NLGN1: variants seen among roughly 807,000 people sequenced by gnomAD.
The protein encoded by NLGN1 is neuroligin-1.
Under a neutral mutation model 65.5 loss-of-function variants are expected in NLGN1, and 12 were observed. The observed-to-expected ratio is 0.18, with a 90% confidence interval of 0.12 to 0.30. The LOEUF (loss-of-function observed/expected upper bound fraction) is 0.30, where lower values mean the gene tolerates loss of function less well. Ranked by LOEUF, NLGN1 falls within the 10% of genes least tolerant of loss-of-function variation. NLGN1 has a pLI of 1.00. For synonymous variants in NLGN1, 350 were observed against 359.5 expected, an observed-to-expected ratio of 0.97 and a Z score of 0.30; for missense variants, 750 against 1,007.1, an observed-to-expected ratio of 0.74 and a Z score of 3.46.
At chr3:173,828,932 G>GT (rs1284843241) in intron 4 of NLGN1, among the ~76,000 whole-genome samples, 1 of 147,480 alleles carries the variant, frequency 6.8e-6, no homozygotes, top group Non-Finnish European at 1.5e-5. Flanking sequence ...TTGCTTTTTG[G>GT]GGGGGATTAA....
chr3:173,478,772 G>C (rs147590180), intron 2 of NLGN1, among the ~76,000 whole-genome samples: 206 of 151,966 alleles, frequency 1.4e-3, no homozygotes, highest in African/African-American at 4.8e-3. Flanking sequence ...AATAATCCCA[G>C]CTACTCCAGG....
intron 4 of NLGN1, among the ~76,000 whole-genome samples, chr3:174,181,976 C>CAAAAAAAAAAAAAAAAAAA (rs551914698): frequency 2.3e-5 from 1 of 44,396 alleles, no homozygotes; most frequent in Non-Finnish European, 4.6e-5. Context: ...GACTTGGTGT[C>CAAAAAAAAAAAAAAAAAAA]AAAAAAAAAA....
At chr3:173,690,433 A>C (rs1049376441) in intron 3 of NLGN1, among the ~76,000 whole-genome samples, 7 of 152,122 alleles carry the variant, frequency 4.6e-5, no homozygotes, top group Non-Finnish European at 1.0e-4. Context: ...ATAAGCTGTC[A>C]GCTCTTGCTA....
chr3:174,240,198 G>GA (rs1742524925), intron 4 of NLGN1, among the ~76,000 whole-genome samples: 1 of 152,018 alleles, frequency 6.6e-6, no homozygotes, highest in Non-Finnish European at 1.5e-5. Flanking sequence ...CAATACAATA[G>GA]AAAACTGATT....
At chr3:173,462,399 C>T (rs1723555701) in intron 2 of NLGN1, among the ~76,000 whole-genome samples, 1 of 149,502 alleles carries the variant, frequency 6.7e-6, no homozygotes, top group Non-Finnish European at 1.5e-5. Context: ...AAATTTTCTC[C>T]ATTAGATTTT....
intron 3 of NLGN1, among the ~76,000 whole-genome samples, chr3:173,634,601 G>GA (rs1756281156): frequency 2.0e-5 from 3 of 152,138 alleles, no homozygotes; most frequent in East Asian, 3.9e-4. Flanking sequence ...GTGGTAGGAG[G>GA]AAAGTGTCAT....
intron 3 of NLGN1, among the ~76,000 whole-genome samples, chr3:173,630,918 A>G (rs1755584842): frequency 6.6e-6 from 1 of 152,158 alleles, no homozygotes; most frequent in African/African-American, 2.4e-5. Flanking sequence ...GGCAGTACAA[A>G]ATCAAAAGCA....
At chr3:173,675,478 T>A (rs78102070) in intron 3 of NLGN1, among the ~76,000 whole-genome samples, 3 of 152,098 alleles carry the variant, frequency 2.0e-5, no homozygotes, top group East Asian at 3.9e-4. Flanking sequence ...CTGAGAAGTC[T>A]TTACGTAAAA....
At chr3:173,404,899 C>T (rs763805257) in intron 1 of NLGN1, among the ~76,000 whole-genome samples, 23 of 152,178 alleles carry the variant, frequency 1.5e-4, no homozygotes, top group Middle Eastern at 3.4e-3. Flanking sequence ...GTGGAAAGAA[C>T]ACCCCAGTAT....
intron 3 of NLGN1, among the ~76,000 whole-genome samples, chr3:173,797,428 A>G (rs184207923): frequency 6.4e-4 from 97 of 152,210 alleles, no homozygotes; most frequent in African/African-American, 2.2e-3. Context: ...ACTGTCATCT[A>G]ATAATAACGT....
chr3:173,509,999 C>T (rs943244015), intron 2 of NLGN1, among the ~76,000 whole-genome samples: 3 of 152,112 alleles, frequency 2.0e-5, no homozygotes, highest in Non-Finnish European at 4.4e-5. Flanking sequence ...CACAGAACAG[C>T]AGTTTTAGTC....
intron 4 of NLGN1, among the ~76,000 whole-genome samples, chr3:173,815,042 C>G (rs1718737295): frequency 6.7e-6 from 1 of 149,280 alleles, no homozygotes; most frequent in Admixed American, 6.7e-5. Flanking sequence ...TTTTCCCTTT[C>G]TTTCTTTTTC....
chr3:173,567,008 G>C (rs1479929495), intron 2 of NLGN1, among the ~76,000 whole-genome samples: 2 of 152,072 alleles, frequency 1.3e-5, no homozygotes, highest in Non-Finnish European at 2.9e-5. Context: ...AATTGGAAAT[G>C]GATCTCATGC....
rs372251866 is a variant in NLGN1 at position 173,561,149 on chromosome 3, A to G, written c.-320-43130A>G. Among the ~76,000 whole-genome samples, 5 of 152,322 alleles carry G rather than the reference A, an allele frequency of 3.3e-5. No individual in the cohort carries two copies. The South Asian group carries it at 6.2e-4, about 19-fold the overall frequency. ...AGATTTCTGACACTGCAAAATGTCT[A>G]TCATTACTTGGCAGGAACTTCCGGT... is the stretch of plus-strand genomic sequence containing the variant. On this transcript the variant is annotated intron_variant, in intron 2 of 6. Transcript: ENST00000457714.
intron 4 of NLGN1, among the ~76,000 whole-genome samples, chr3:174,224,474 A>G (rs1739232241): frequency 6.6e-6 from 1 of 152,134 alleles, no homozygotes; most frequent in South Asian, 2.1e-4. Flanking sequence ...CGAGGCGGGT[A>G]GATCACCTGA....
At position 174,177,156 on chromosome 3, in the gene NLGN1, G is replaced by C. The variant is rs1729608370; in HGVS notation, c.647-98159G>C. Among the ~76,000 whole-genome samples the C allele has an allele frequency of 9.9e-5, 15 of 152,176 alleles. No individual in the cohort carries two copies. In the South Asian group the frequency reaches 2.9e-3, roughly 29 times the overall value. On this transcript the variant is annotated intron_variant, in intron 4 of 6. Coordinates refer to ENST00000457714, the Ensembl canonical transcript of NLGN1. ...GGAAACTATCTCAGAGATTTGGGCT[G>C]TATAGACATTCTAATTCAACAATAA...
At chr3:173,517,646 A>G (rs1156957842) in intron 2 of NLGN1, among the ~76,000 whole-genome samples, 4 of 152,084 alleles carry the variant, frequency 2.6e-5, no homozygotes, top group Non-Finnish European at 5.9e-5. Flanking sequence ...TTCCATATAC[A>G]GTCTATGTAT....
intron 3 of NLGN1, among the ~76,000 whole-genome samples, chr3:173,744,273 CA>C (rs1775050078): frequency 6.6e-6 from 1 of 152,048 alleles, no homozygotes; most frequent in African/African-American, 2.4e-5. Flanking sequence ...AATAGGTGTT[CA>C]AAAAGTGTTT....
chr3:173,755,701 G>A (rs574601367), intron 3 of NLGN1, among the ~76,000 whole-genome samples: 11 of 152,082 alleles, frequency 7.2e-5, no homozygotes, highest in African/African-American at 2.6e-4. Context: ...AATTAAGGAG[G>A]GAGACCCAAA....
Sources: gnomAD v4.1 joint callset for allele counts (sites outside exome capture counted in the v4.1 genomes callset) on GRCh38, gnomAD v4.1.1 for gene constraint, MANE v1.5 for transcripts, NCBI Gene and HGNC (gene_info 2026-07-23, HGNC 2026-07-21) for gene names.